Variants in GCC2 observed in about 807,000 individuals in gnomAD.
GCC2 encodes GRIP and coiled-coil domain-containing protein 2.
Under a neutral mutation model 210.6 loss-of-function variants are expected in GCC2, and 120 were observed. The ratio of observed to expected loss-of-function variants is 0.57; its 90% confidence interval spans 0.49 to 0.66. The LOEUF is 0.66. GCC2 is among the 30% of genes least tolerant of loss of function. The pLI is 0.00. For missense variants in GCC2, 1,868 were observed against 1,871.9 expected (o/e 1.00, Z 0.04); for synonymous variants, 703 against 652.7 (o/e 1.08, Z -1.17).
chr2:108,506,130 A>G (rs1247302218), intron 22 of GCC2, among the ~76,000 whole-genome samples: 1 of 152,258 alleles, frequency 6.6e-6, no homozygotes, highest in Non-Finnish European at 1.5e-5. Flanking sequence ...ATTATGTGGT[A>G]TATGAATTAT....
chr2:108,454,241 C>G (rs574390984), intron 4 of GCC2, among the ~76,000 whole-genome samples: 36 of 152,324 alleles, frequency 2.4e-4, no homozygotes, highest in Non-Finnish European at 2.1e-4. Flanking sequence ...CCACCTGCCT[C>G]GTCCTCCCGA....
chr2:108,472,195 C>T (rs754124668), intron 6 of GCC2, 79 bp downstream of exon 6: 12 of 1,018,342 alleles, frequency 1.2e-5, no homozygotes, highest in Admixed American at 5.8e-5. Context: ...CATTTTTACA[C>T]CTTGACGTCA....
chr2:108,506,853 A>T (rs1047322809), intron 22 of GCC2, among the ~76,000 whole-genome samples: 1 of 151,336 alleles, frequency 6.6e-6, no homozygotes. Context: ...GTATATTGTG[A>T]GAAGATGGTA....
chr2:108,449,241 C>A lies in GCC2; in HGVS notation c.-34C>A. ...GCAAACAGAAGTGCAGCGGTGGCGG[C>A]GGCTGGTTGCGGGCCGGCGGCGGGC... On this transcript the variant is annotated 5_prime_UTR_variant, in exon 1 of 23. Coordinates refer to ENST00000309863, the MANE Select transcript of GCC2 (RefSeq NM_181453.4). The A allele has an allele frequency of 1.9e-6, 3 of 1,546,382 alleles. No individual in the cohort carries two copies. Among genetic ancestry groups the A allele is most frequent in the African/African-American group, 1.4e-5 (1 of 73,094 alleles).
intron 4 of GCC2, among the ~76,000 whole-genome samples, 199 bp from the exon 5 acceptor site, chr2:108,468,781 G>A (rs1052008566): frequency 1.3e-5 from 2 of 152,104 alleles, no homozygotes; most frequent in Non-Finnish European, 2.9e-5. Context: ...ATCCTCCTCC[G>A]TAATTCAGTT....
chr2:108,456,378 T>C (rs942276928), intron 4 of GCC2, among the ~76,000 whole-genome samples: 2 of 152,244 alleles, frequency 1.3e-5, no homozygotes, highest in Non-Finnish European at 1.5e-5. Flanking sequence ...GTCATCAATA[T>C]CTGTTACTTT....
intron 21 of GCC2, 37 bp downstream of exon 21, chr2:108,497,146 A>G (rs763371505): frequency 2.3e-5 from 37 of 1,611,676 alleles, no homozygotes. Context: ...GAAAACCGCC[A>G]GTTTGGTTTT....
intron 4 of GCC2, among the ~76,000 whole-genome samples, chr2:108,459,679 T>C (rs758536233): frequency 4.6e-4 from 69 of 150,724 alleles, no homozygotes; most frequent in Middle Eastern, 3.4e-3. Flanking sequence ...GGTTCATATA[T>C]GTTTAGAATT....
At chr2:108,475,994 C>T in intron 9 of GCC2, 144 bp downstream of exon 9, 1 of 480,542 alleles carries the variant, frequency 2.1e-6, no homozygotes, top group Non-Finnish European at 3.7e-6. Flanking sequence ...TTTTGGGGTG[C>T]AATGTAATAG....
chr2:108,467,573 A>G (rs1680972020), intron 4 of GCC2, among the ~76,000 whole-genome samples: 1 of 152,192 alleles, frequency 6.6e-6, no homozygotes, highest in South Asian at 2.1e-4. Flanking sequence ...TTGGGATTGC[A>G]GGCATGAGCC....
At chr2:108,506,644 T>G (rs1222647586) in intron 22 of GCC2, among the ~76,000 whole-genome samples, 5 of 152,342 alleles carry the variant, frequency 3.3e-5, no homozygotes, top group Non-Finnish European at 7.4e-5. Context: ...TTTGTTTGTT[T>G]TGGTTCAGTT....
chr2:108,476,054 C>CTTT lies in GCC2; in HGVS notation c.3060+228_3060+230dup, dbSNP rs56236751. ...TGGTTAAGCTTTAAATAGTGGCTTG[C>CTTT]TTTTTTTTTTTTTTTTTTTTTTTTT... On this transcript the variant is annotated intron_variant, in intron 9 of 22. Coordinates refer to ENST00000309863, the MANE Select transcript of GCC2 (RefSeq NM_181453.4). 1.1e-3 allele frequency among the ~76,000 whole-genome samples: 110 copies of CTTT among 96,314 alleles called. 10 individuals carry two copies. The highest frequency in any genetic ancestry group is 3.7e-3 in the African/African-American group (99 of 26,614). 63.2% of individuals were successfully genotyped at this position (96,314 alleles called of 152,430 possible). A position where few individuals can be genotyped will look rare whatever the true frequency, so the allele number is the denominator to read the frequency against.
At chr2:108,500,273 G>A (rs1352849021) in intron 22 of GCC2, among the ~76,000 whole-genome samples, 1 of 152,144 alleles carries the variant, frequency 6.6e-6, no homozygotes, top group Non-Finnish European at 1.5e-5. Flanking sequence ...CCACCACTTT[G>A]GGAGGCCGAG....
At chr2:108,500,628 A>C (rs1682873724) in intron 22 of GCC2, among the ~76,000 whole-genome samples, 1 of 152,248 alleles carries the variant, frequency 6.6e-6, no homozygotes, top group African/African-American at 2.4e-5. Context: ...TACAACTGCT[A>C]TAGTTAACTG....
intron 4 of GCC2, among the ~76,000 whole-genome samples, chr2:108,457,662 T>C (rs964998025): frequency 6.6e-6 from 1 of 152,212 alleles, no homozygotes; most frequent in African/African-American, 2.4e-5. Flanking sequence ...ATCTGTGTTT[T>C]TGTAGTTTTC....
At chr2:108,482,707 C>T (rs569176927) in intron 11 of GCC2, among the ~76,000 whole-genome samples, 4 of 152,282 alleles carry the variant, frequency 2.6e-5, no homozygotes, top group South Asian at 4.2e-4. Flanking sequence ...GACGGAGTCT[C>T]GCTCTGTTGC....
At chr2:108,459,778 T>A (rs1226410093) in intron 4 of GCC2, among the ~76,000 whole-genome samples, 1 of 121,362 alleles carries the variant, frequency 8.2e-6, no homozygotes, top group African/African-American at 3.2e-5. Flanking sequence ...TTTTTTTTTT[T>A]ACTATTTTTG....
chr2:108,472,484 TGTG>T (rs1415437646), intron 6 of GCC2, among the ~76,000 whole-genome samples: 2 of 152,116 alleles, frequency 1.3e-5, no homozygotes, highest in African/African-American at 2.4e-5. Flanking sequence ...AAGTAAGAGC[TGTG>T]GTGGTATTGC....
chr2:108,503,566 A>G (rs1011665262), intron 22 of GCC2, among the ~76,000 whole-genome samples: 1 of 152,150 alleles, frequency 6.6e-6, no homozygotes, highest in Non-Finnish European at 1.5e-5. Flanking sequence ...CCTTGAAAAT[A>G]ATAACCAACA....
Sources: gnomAD v4.1 joint callset for allele counts (sites outside exome capture counted in the v4.1 genomes callset) on GRCh38, gnomAD v4.1.1 for gene constraint, MANE v1.5 for transcripts, NCBI Gene and HGNC (gene_info 2026-07-23, HGNC 2026-07-21) for gene names.